The following TCF12 variants were observed in gnomAD, a reference collection of about 807,000 sequenced individuals.
The protein encoded by TCF12 is transcription factor 12, also known as DNA-binding protein HTF4.
A neutral mutation model predicts 86.0 loss-of-function variants in TCF12; 45 were observed. That is an observed-to-expected ratio of 0.52 (90% CI 0.41 to 0.67). The LOEUF is 0.67. Ranked by LOEUF, TCF12 falls within the 30% of genes least tolerant of loss-of-function variation. TCF12 has a pLI of 0.00. For missense variants in TCF12, 881 were observed against 859.9 expected, an observed-to-expected ratio of 1.02 and a Z score of -0.31; for synonymous variants, 330 against 299.6, an observed-to-expected ratio of 1.10 and a Z score of -1.05.
chr15:57,241,388 G>A (rs530544564), intron 12 of TCF12, among the ~76,000 whole-genome samples: 9 of 151,894 alleles, frequency 5.9e-5, no homozygotes, highest in Non-Finnish European at 8.8e-5. Context: ...TACCGCACCC[G>A]GCCTATTATT....
At chr15:57,064,809 AAAAAGAG>A (rs1239767370) in intron 4 of TCF12, among the ~76,000 whole-genome samples, 166 of 146,148 alleles carry the variant, frequency 1.1e-3, no homozygotes, top group African/African-American at 4.0e-3. Flanking sequence ...AAAAAAAAAA[AAAAAGAG>A]AGAGAGAGAA....
chr15:56,922,979 T>C (rs1316980358), intron 3 of TCF12, among the ~76,000 whole-genome samples: 2 of 152,040 alleles, frequency 1.3e-5, no homozygotes, highest in African/African-American at 4.8e-5. Flanking sequence ...CAAAGGATAT[T>C]ATGTAATACA....
chr15:57,123,026 T>G (rs2051349597), intron 5 of TCF12, among the ~76,000 whole-genome samples: 1 of 152,214 alleles, frequency 6.6e-6, no homozygotes, highest in Admixed American at 6.5e-5. Flanking sequence ...ACATTTAAAC[T>G]AAATGCAAAA....
intron 3 of TCF12, among the ~76,000 whole-genome samples, chr15:57,040,261 T>G (rs750950915): frequency 3.3e-5 from 5 of 152,232 alleles, no homozygotes; most frequent in Non-Finnish European, 5.9e-5. Context: ...TCAATCTAGA[T>G]TCCTGATTTT....
chr15:57,003,871 C>T (rs1390457824), intron 3 of TCF12, among the ~76,000 whole-genome samples: 2 of 152,202 alleles, frequency 1.3e-5, no homozygotes, highest in Admixed American at 1.3e-4. Context: ...TTCTTCCTCT[C>T]TCCTCAGTAT....
intron 3 of TCF12, among the ~76,000 whole-genome samples, chr15:56,968,404 C>T (rs1769663980): frequency 6.7e-6 from 1 of 149,946 alleles, no homozygotes; most frequent in African/African-American, 2.5e-5. Flanking sequence ...CTGTGTTGCC[C>T]AGGCTGGAGT....
chr15:56,977,586 GAC>G (rs543244368), intron 3 of TCF12, among the ~76,000 whole-genome samples: 20 of 147,824 alleles, frequency 1.4e-4, no homozygotes, highest in African/African-American at 2.2e-4. Context: ...GAGAGAGAGA[GAC>G]ACACACACAC....
At chr15:57,087,617 A>G (rs1029343763) in intron 4 of TCF12, among the ~76,000 whole-genome samples, 22 of 152,092 alleles carry the variant, frequency 1.4e-4, no homozygotes, top group Non-Finnish European at 2.8e-4. Context: ...GCTTTTATGA[A>G]GTATTATGCA....
intron 5 of TCF12, among the ~76,000 whole-genome samples, chr15:57,157,568 T>TC (rs1234328740): frequency 3.8e-4 from 57 of 149,920 alleles, no homozygotes; most frequent in East Asian, 5.8e-4. Context: ...TTTTTTTTTT[T>TC]TCCTTTTTTG....
At chr15:56,975,002 G>A (rs2062527510) in intron 3 of TCF12, among the ~76,000 whole-genome samples, 1 of 151,986 alleles carries the variant, frequency 6.6e-6, no homozygotes, top group Non-Finnish European at 1.5e-5. Context: ...TTCGAATAGT[G>A]GACCTCCTTA....
At chr15:57,158,183 C>CAT (rs2054248285) in intron 5 of TCF12, among the ~76,000 whole-genome samples, 2 of 102,380 alleles carry the variant, frequency 2.0e-5, no homozygotes, top group African/African-American at 2.8e-5. Flanking sequence ...CTCAGAAAGT[C>CAT]GTTTCTTTTT....
chr15:57,206,582 CTTTTTTTTTT>C (rs67531540), intron 8 of TCF12, among the ~76,000 whole-genome samples: 1 of 83,808 alleles, frequency 1.2e-5, no homozygotes, highest in African/African-American at 4.1e-5. Context: ...CTTGTATTCT[CTTTTTTTTTT>C]TTTTTTTTTT....
chr15:57,047,265 T>C (rs2703618), intron 3 of TCF12, among the ~76,000 whole-genome samples: 1,885 of 152,344 alleles, frequency 0.012, 43 homozygotes, highest in African/African-American at 0.043. Flanking sequence ...AACAAGTTAC[T>C]TTATCATAGA....
chr15:57,149,427 GCCTTTTAA>G (rs1436694547), intron 5 of TCF12, among the ~76,000 whole-genome samples: 1 of 152,206 alleles, frequency 6.6e-6, no homozygotes. Context: ...AAAATTGCCA[GCCTTTTAA>G]CCTTTTAGAA....
chr15:57,094,576 G>A (rs566987157), intron 5 of TCF12, among the ~76,000 whole-genome samples: 135 of 152,244 alleles, frequency 8.9e-4, no homozygotes, highest in South Asian at 1.9e-3. Flanking sequence ...TTAATTTAAG[G>A]GAGTTTCTGG....
In TCF12 at chr15:57,170,770, T is replaced by TC. The variant is rs1399888880; in HGVS notation, c.390+4304_390+4305insC. Among the ~76,000 whole-genome samples the TC allele has an allele frequency of 7.8e-4, 5 of 6,448 alleles. 2 individuals are homozygous for TC. The South Asian group carries it at 0.039, about 51-fold the overall frequency. 4.2% of individuals were successfully genotyped at this position (6,448 alleles called of 152,430 possible). A position where few individuals can be genotyped will look rare whatever the true frequency, so the allele number is the denominator to read the frequency against. Reference sequence around the variant, plus strand: ...TTATATATTATATATTATATATATATTATATATAATATATATATATAATAT... The same window carrying TC: ...TTATATATTATATATTATATATATATCTATATATAATATATATATATAATAT... On this transcript the variant is annotated intron_variant, in intron 6 of 20. Coordinates refer to ENST00000333725, the MANE Select transcript of TCF12 (RefSeq NM_207037.2).
intron 8 of TCF12, among the ~76,000 whole-genome samples, chr15:57,205,311 T>A (rs1016314864): frequency 2.0e-5 from 3 of 151,994 alleles, no homozygotes; most frequent in East Asian, 1.9e-4. Context: ...TTAAAAAAAA[T>A]AAAAATAAAA....
chr15:56,931,859 T>C (rs1449319339), intron 3 of TCF12, among the ~76,000 whole-genome samples: 1 of 152,194 alleles, frequency 6.6e-6, no homozygotes, highest in Non-Finnish European at 1.5e-5. Context: ...CATTGACTTT[T>C]CTGGTGGCTT....
At chr15:56,988,915 A>G (rs897133099) in intron 3 of TCF12, among the ~76,000 whole-genome samples, 10 of 152,152 alleles carry the variant, frequency 6.6e-5, no homozygotes, top group Admixed American at 2.0e-4. Flanking sequence ...ATAACTCAAT[A>G]GCTAAATTTA....
Sources: gnomAD v4.1 joint callset for allele counts (sites outside exome capture counted in the v4.1 genomes callset) on GRCh38, gnomAD v4.1.1 for gene constraint, MANE v1.5 for transcripts, NCBI Gene and HGNC (gene_info 2026-07-23, HGNC 2026-07-21) for gene names.